Variants in PTPRG observed in about 807,000 individuals in gnomAD.
PTPRG encodes protein tyrosine phosphatase receptor type G, also known as receptor-type tyrosine-protein phosphatase gamma.
PTPRG carries 102 observed loss-of-function variants against 165.3 expected under a neutral mutation model. The observed-to-expected ratio is 0.62, with a 90% confidence interval of 0.53 to 0.73. The LOEUF is 0.73. Ranked by LOEUF, PTPRG falls within the 30% of genes least tolerant of loss-of-function variation. The pLI, the probability that PTPRG is intolerant of heterozygous loss-of-function variation, is 0.00. For missense variants in PTPRG, 1,866 were observed against 1,861.4 expected (o/e 1.00, Z -0.05); for synonymous variants, 675 against 669.5 (o/e 1.01, Z -0.13).
chr3:61,717,228 G>A (rs538989511), intron 1 of PTPRG, among the ~76,000 whole-genome samples: 1 of 152,256 alleles, frequency 6.6e-6, no homozygotes, highest in East Asian at 1.9e-4. Context: ...AAGAAAAATA[G>A]TAGCAATAAT....
At chr3:62,075,970 T>C (rs528450094) in intron 4 of PTPRG, among the ~76,000 whole-genome samples, 1 of 152,248 alleles carries the variant, frequency 6.6e-6, no homozygotes, top group Admixed American at 6.5e-5. Context: ...AATGTTAATC[T>C]TAAAATATGA....
intron 1 of PTPRG, among the ~76,000 whole-genome samples, chr3:61,748,622 T>C (rs947651513): frequency 2.0e-5 from 3 of 152,010 alleles, no homozygotes; most frequent in Non-Finnish European, 4.4e-5. Flanking sequence ...ACTAAGATAA[T>C]GTATATGAAG....
chr3:62,271,289 G>T lies in PTPRG; in HGVS notation c.3010-94G>T, dbSNP rs759960186. ...TGGGAACAGTGATTAGGGTGAATGT[G>T]ATCAGTGGTCATGTGTCCTGACACC... On this transcript the variant is annotated intron_variant, in intron 20 of 29. Coordinates refer to ENST00000474889, the MANE Select transcript of PTPRG (RefSeq NM_002841.4). The surrounding 1 kb of genome is among the most constrained non-coding windows in gnomAD (Gnocchi z 4.1). The T allele has an allele frequency of 1.9e-6, 2 of 1,077,484 alleles. No homozygotes were observed. The highest frequency in any genetic ancestry group is 5.0e-5 in the Admixed American group (2 of 39,774). The allele number at this position is 1,077,484 out of a possible 1,614,324, so 66.7% of individuals were successfully genotyped here.
intron 3 of PTPRG, among the ~76,000 whole-genome samples, chr3:61,995,390 C>T (rs1396869311): frequency 2.0e-5 from 3 of 152,042 alleles, no homozygotes; most frequent in Non-Finnish European, 2.9e-5. Flanking sequence ...GCGCCTGGCT[C>T]ATTACAAGGT....
chr3:61,708,380 G>T (rs561491997), intron 1 of PTPRG, among the ~76,000 whole-genome samples: 7 of 151,526 alleles, frequency 4.6e-5, no homozygotes, highest in African/African-American at 1.7e-4. Context: ...CAGCCCAACT[G>T]GGGGATCATT....
intron 8 of PTPRG, among the ~76,000 whole-genome samples, chr3:62,182,891 G>A (rs951422748): frequency 2.0e-5 from 3 of 152,050 alleles, no homozygotes; most frequent in South Asian, 2.1e-4. Flanking sequence ...TCTTGACCTC[G>A]TGATCCACCC....
intron 23 of PTPRG, among the ~76,000 whole-genome samples, chr3:62,274,507 G>A (rs1702172048): frequency 2.0e-5 from 3 of 152,104 alleles, no homozygotes; most frequent in Admixed American, 2.0e-4. Flanking sequence ...CAGTTACCAA[G>A]TGCTTTCCTA....
At chr3:61,641,890 T>C (rs1702075132) in intron 1 of PTPRG, among the ~76,000 whole-genome samples, 1 of 152,208 alleles carries the variant, frequency 6.6e-6, no homozygotes, top group African/African-American at 2.4e-5. Context: ...TTATATTTAA[T>C]GGCCTGGGTG....
At chr3:62,239,342 TTTCTTTC>T (rs1701103624) in intron 14 of PTPRG, among the ~76,000 whole-genome samples, 1 of 151,192 alleles carries the variant, frequency 6.6e-6, no homozygotes, top group South Asian at 2.1e-4. Flanking sequence ...TTTTTCTTTC[TTTCTTTC>T]TTTTTTCTTT....
chr3:61,583,087 A>T (rs1700342778), intron 1 of PTPRG, among the ~76,000 whole-genome samples: 1 of 152,332 alleles, frequency 6.6e-6, no homozygotes, highest in Middle Eastern at 3.4e-3. Context: ...ATTCCTAGAG[A>T]TGAATCATGC....
At chr3:62,164,397 A>C (rs1488234208) in intron 7 of PTPRG, among the ~76,000 whole-genome samples, 2 of 152,214 alleles carry the variant, frequency 1.3e-5, no homozygotes, top group Admixed American at 6.5e-5. Context: ...CTGGCCAAGC[A>C]TGCCAGTTGC....
rs183472016 is a variant in PTPRG at position 61,926,052 on chromosome 3, G to A, written c.191-63573G>A. 4.4e-3 allele frequency: 1,852 copies of A among 425,096 alleles called. 14 individuals are homozygous for A. Among genetic ancestry groups the A allele is most frequent in the South Asian group, 8.1e-3 (478 of 59,108 alleles). 26.3% of individuals were successfully genotyped at this position (425,096 alleles called of 1,614,324 possible). On this transcript the variant is annotated intron_variant, in intron 2 of 29. Transcript: ENST00000474889. ...TAACTACTATATCAGAATAGAAACC[G>A]CATTTTAGCAAGATCTGCAGGTCAT...
chr3:61,878,130 T>G (rs1482442368), intron 2 of PTPRG, among the ~76,000 whole-genome samples: 4 of 152,232 alleles, frequency 2.6e-5, no homozygotes, highest in African/African-American at 9.6e-5. Context: ...CCAAACTCAC[T>G]GAAACACTTA....
intron 2 of PTPRG, among the ~76,000 whole-genome samples, chr3:61,977,312 A>G (rs1350227999): frequency 6.6e-6 from 1 of 152,014 alleles, no homozygotes. Flanking sequence ...CAGGGGTTTC[A>G]GAGTTCATTG....
At chr3:61,792,373 G>T (rs551634358) in intron 2 of PTPRG, among the ~76,000 whole-genome samples, 1 of 152,014 alleles carries the variant, frequency 6.6e-6, no homozygotes, top group Non-Finnish European at 1.5e-5. Flanking sequence ...GCAGGTGTGC[G>T]CCACCATGCC....
intron 2 of PTPRG, among the ~76,000 whole-genome samples, chr3:61,765,435 C>G (rs1441512840): frequency 6.6e-6 from 1 of 152,054 alleles, no homozygotes; most frequent in Non-Finnish European, 1.5e-5. Flanking sequence ...TTTGTCAACT[C>G]TTTGATCTAA....
chr3:61,793,025 A>C (rs2107136055), intron 2 of PTPRG, among the ~76,000 whole-genome samples: 1 of 152,284 alleles, frequency 6.6e-6, no homozygotes, highest in East Asian at 1.9e-4. Context: ...GTAAATAGAA[A>C]GGCTTTGAGA....
intron 4 of PTPRG, among the ~76,000 whole-genome samples, chr3:62,005,982 C>T (rs188815056): frequency 2.0e-5 from 3 of 152,026 alleles, no homozygotes; most frequent in Non-Finnish European, 4.4e-5. Flanking sequence ...GGATTACAGG[C>T]GTGAGCCACC....
At chr3:61,681,054 TAA>T (rs61198100) in intron 1 of PTPRG, among the ~76,000 whole-genome samples, 40 of 66,094 alleles carry the variant, frequency 6.1e-4, no homozygotes, top group South Asian at 4.9e-3. Context: ...CTTTATGTTC[TAA>T]AAAAAAAAAA....
Sources: allele counts gnomAD v4.1 joint callset (sites outside exome capture counted in the v4.1 genomes callset), GRCh38; gene constraint gnomAD v4.1.1; non-coding constraint Gnocchi (gnomAD v3.1); transcripts MANE v1.5; gene names NCBI Gene and HGNC (gene_info 2026-07-23, HGNC 2026-07-21).